CFAP20DC: variants seen among roughly 807,000 people sequenced by gnomAD.
The protein encoded by CFAP20DC is CFAP20 domain containing, also known as protein CFAP20DC.
CFAP20DC carries 84 observed loss-of-function variants against 101.7 expected under a neutral mutation model. That is an observed-to-expected ratio of 0.83 (90% confidence interval 0.69 to 0.99). CFAP20DC has a LOEUF of 0.99. Ranked by LOEUF, CFAP20DC falls within the 50% of genes least tolerant of loss-of-function variation. The pLI, the probability that CFAP20DC is intolerant of heterozygous loss-of-function variation, is 0.00. For missense variants in CFAP20DC, 1,007 were observed against 970.3 expected, an observed-to-expected ratio of 1.04 and a Z score of -0.50; for synonymous variants, 359 against 351.2, an observed-to-expected ratio of 1.02 and a Z score of -0.25.
At chr3:58,814,431 C>T (rs923284344) in intron 14 of CFAP20DC, among the ~76,000 whole-genome samples, 1 of 151,536 alleles carries the variant, frequency 6.6e-6, no homozygotes, top group East Asian at 1.9e-4. Flanking sequence ...GAAGCATTCC[C>T]TTTGAAAACT....
chr3:58,807,297 C>T (rs147717601), intron 14 of CFAP20DC, among the ~76,000 whole-genome samples: 8,421 of 152,262 alleles, frequency 0.055, 517 homozygotes, highest in East Asian at 0.35. Context: ...CTCCAAGCAG[C>T]CTAACTGGGA....
At chr3:58,811,776 A>G (rs2074658528) in intron 14 of CFAP20DC, among the ~76,000 whole-genome samples, 2 of 152,052 alleles carry the variant, frequency 1.3e-5, no homozygotes, top group South Asian at 4.2e-4. Flanking sequence ...ACAACCTACA[A>G]AATGGGAGAA....
In CFAP20DC at chr3:58,909,176, T is replaced by G. The variant is rs151181234; in HGVS notation, c.550+4532A>C. On this transcript the variant is annotated intron_variant, in intron 6 of 16. Transcript: ENST00000482387. ...ACTTTGGATGATAATGATGTCTCAG[T>G]GTAAGTTCATCGATTGTAACATATG... Among the ~76,000 whole-genome samples, 155 of 152,280 alleles carry G rather than the reference T, an allele frequency of 1.0e-3. 2 individuals carry two copies. Among genetic ancestry groups the G allele is most frequent in the Admixed American group, 8.2e-3 (125 of 15,288 alleles).
chr3:58,851,861 A>T (rs1365044235), intron 12 of CFAP20DC, among the ~76,000 whole-genome samples: 1 of 152,186 alleles, frequency 6.6e-6, no homozygotes. Flanking sequence ...AACTCTTGCA[A>T]ATTTGAACTT....
Position 59,007,389 on chromosome 3 carries a change from C to T in CFAP20DC, c.278+32168G>A, listed in dbSNP as rs567669483. Among the ~76,000 whole-genome samples, 3 of 152,298 alleles carry T rather than the reference C, an allele frequency of 2.0e-5. No homozygotes were observed. The highest frequency in any genetic ancestry group is 6.5e-5 in the Admixed American group (1 of 15,296). ...ATCTCCCTTCTACTACTGCAGCTGG[C>T]GCTCTCTGGAAAGCACCACCTCCTG... On this transcript the variant is annotated intron_variant, in intron 4 of 16. Coordinates refer to ENST00000482387, the MANE Select transcript of CFAP20DC (RefSeq NM_001394063.1). This position sits in a 1 kb window ranked among gnomAD's most constrained non-coding sequence, Gnocchi z 4.4.
intron 3 of CFAP20DC, among the ~76,000 whole-genome samples, chr3:59,043,500 A>T (rs1699592218): frequency 1.3e-5 from 2 of 152,048 alleles, no homozygotes; most frequent in Non-Finnish European, 2.9e-5. Flanking sequence ...CAAGATAAAA[A>T]TGATACTAAA....
At chr3:59,039,904 T>C (rs929840645) in intron 3 of CFAP20DC, among the ~76,000 whole-genome samples, 4 of 152,048 alleles carry the variant, frequency 2.6e-5, no homozygotes, top group African/African-American at 9.7e-5. Context: ...TTTTTATTAT[T>C]TTTATTAGGT....
intron 4 of CFAP20DC, among the ~76,000 whole-genome samples, chr3:58,960,719 T>G (rs559630234): frequency 1.3e-5 from 2 of 152,266 alleles, no homozygotes; most frequent in East Asian, 3.9e-4. Context: ...TGTTTATGAT[T>G]AAAGACAGCT....
At chr3:58,746,262 C>G (rs1455562912) in intron 16 of CFAP20DC, among the ~76,000 whole-genome samples, 1 of 152,124 alleles carries the variant, frequency 6.6e-6, no homozygotes, top group Non-Finnish European at 1.5e-5. Flanking sequence ...GTTTAAATCA[C>G]ATATCCCTGA....
At chr3:58,719,950 T>C (rs966933523) in intron 3 of CFAP20DC, among the ~76,000 whole-genome samples, 7 of 152,220 alleles carry the variant, frequency 4.6e-5, no homozygotes, top group Non-Finnish European at 1.5e-5. Context: ...CTGGCTGTTA[T>C]CTCTTCCTGG....
chr3:58,766,793 C>T (rs2070357106), intron 15 of CFAP20DC, among the ~76,000 whole-genome samples: 3 of 152,192 alleles, frequency 2.0e-5, no homozygotes, highest in Admixed American at 2.0e-4. Flanking sequence ...GGCCTTTGCC[C>T]AGGCTGTGCC....
At chr3:58,851,195 G>A (rs1022200297) in intron 12 of CFAP20DC, among the ~76,000 whole-genome samples, 1 of 152,138 alleles carries the variant, frequency 6.6e-6, no homozygotes, top group African/African-American at 2.4e-5. Context: ...GTGTGAAGTA[G>A]GGGAATGTCA....
chr3:58,766,905 G>A (rs1256680710), intron 15 of CFAP20DC, among the ~76,000 whole-genome samples: 2 of 152,156 alleles, frequency 1.3e-5, no homozygotes, highest in Non-Finnish European at 2.9e-5. Flanking sequence ...ACACTCTTGG[G>A]AAATCTTCGC....
intron 3 of CFAP20DC, 150 bp from the exon 4 acceptor site, chr3:59,039,779 T>G: frequency 2.4e-6 from 1 of 409,524 alleles, no homozygotes; most frequent in African/African-American, 2.1e-5. Flanking sequence ...AGTTACAACC[T>G]CATTACGAAA....
rs975828927 is a variant in CFAP20DC at position 58,812,129 on chromosome 3, T to A, written c.2176-5673A>T. Among the ~76,000 whole-genome samples the A allele has an allele frequency of 2.0e-5, 3 of 152,102 alleles. 1 individual carries two copies. The highest frequency in any genetic ancestry group is 1.9e-4 in the East Asian group (1 of 5,190). On this transcript the variant is annotated intron_variant, in intron 14 of 16. Transcript: ENST00000482387. ...CTGGGACTGTAAACTAGCTCGACCA[T>A]TGTGGAAGTCAGTGTGGCGATTCCT...
chr3:58,900,824 A>G (rs1313219754), intron 6 of CFAP20DC, among the ~76,000 whole-genome samples: 1 of 152,182 alleles, frequency 6.6e-6, no homozygotes, highest in East Asian at 1.9e-4. Context: ...CTTTGGCCAT[A>G]AAGCCATCAT....
intron 15 of CFAP20DC, among the ~76,000 whole-genome samples, chr3:58,801,696 T>C (rs1028172357): frequency 6.6e-6 from 1 of 151,866 alleles, no homozygotes; most frequent in African/African-American, 2.4e-5. Context: ...ACAGGCCAGA[T>C]TGCCTTGGCC....
At chr3:58,947,318 T>C (rs1252311071) in intron 4 of CFAP20DC, among the ~76,000 whole-genome samples, 2 of 152,220 alleles carry the variant, frequency 1.3e-5, no homozygotes, top group Non-Finnish European at 2.9e-5. Context: ...GGAAAAGTTA[T>C]TAATGGAAAG....
At chr3:58,878,789 A>G (rs556585793) in intron 7 of CFAP20DC, among the ~76,000 whole-genome samples, 1 of 152,260 alleles carries the variant, frequency 6.6e-6, no homozygotes, top group South Asian at 2.1e-4. Context: ...AGGGGGGCGG[A>G]TCACAAGGTC....
Sources: gnomAD v4.1 joint callset for allele counts (sites outside exome capture counted in the v4.1 genomes callset) on GRCh38, gnomAD v4.1.1 for gene constraint, Gnocchi (gnomAD v3.1) non-coding constraint, MANE v1.5 for transcripts, NCBI Gene and HGNC (gene_info 2026-07-23, HGNC 2026-07-21) for gene names.